The following EYS variants were observed in gnomAD, a reference collection of about 807,000 sequenced individuals.
EYS encodes the protein protein eyes shut homolog.
In EYS, 250 loss-of-function variants were observed where a neutral mutation model predicts 282.1. That is an observed-to-expected ratio of 0.89 (90% confidence interval 0.80 to 0.98). EYS has a LOEUF of 0.98. EYS is among the 50% of genes least tolerant of loss of function. EYS has a pLI of 0.00. For missense variants in EYS, 4,016 were observed against 3,709.0 expected (o/e 1.08, Z -2.15); for synonymous variants, 1,355 against 1,282.9 (o/e 1.06, Z -1.20).
At chr6:64,089,201 C>T (rs908477059) in intron 31 of EYS, among the ~76,000 whole-genome samples, 1 of 151,432 alleles carries the variant, frequency 6.6e-6, no homozygotes, top group Non-Finnish European at 1.5e-5. Context: ...ACTTATGAGT[C>T]TAATTTTATT....
At chr6:64,549,434 T>C (rs796523696) in intron 26 of EYS, among the ~76,000 whole-genome samples, 15 of 152,310 alleles carry the variant, frequency 9.8e-5, no homozygotes, top group African/African-American at 2.6e-4. Context: ...ATTTTAATAA[T>C]AAGCAGCCCT....
chr6:64,150,738 A>G (rs1774674291), intron 31 of EYS, among the ~76,000 whole-genome samples: 2 of 152,174 alleles, frequency 1.3e-5, no homozygotes, highest in South Asian at 4.1e-4. Context: ...GCTCATGCCT[A>G]TAACATCAGC....
At chr6:64,629,832 G>A (rs1417902389) in intron 22 of EYS, among the ~76,000 whole-genome samples, 1 of 152,090 alleles carries the variant, frequency 6.6e-6, no homozygotes, top group Non-Finnish European at 1.5e-5. Flanking sequence ...GATAATGATT[G>A]CATCTGTAGA....
At chr6:64,862,052 A>C (rs7755509) in intron 19 of EYS, among the ~76,000 whole-genome samples, 23,642 of 152,144 alleles carry the variant, frequency 0.16, 2,159 homozygotes, top group East Asian at 0.49. Context: ...AATTTTTGAA[A>C]GATAATTTTG....
chr6:64,534,362 A>G (rs2149795206), intron 26 of EYS, among the ~76,000 whole-genome samples: 1 of 152,110 alleles, frequency 6.6e-6, no homozygotes, highest in African/African-American at 2.4e-5. Flanking sequence ...GTGTTATCAG[A>G]GAACATAAAT....
intron 33 of EYS, among the ~76,000 whole-genome samples, chr6:64,004,567 C>A (rs930948287): frequency 6.6e-6 from 1 of 151,928 alleles, no homozygotes; most frequent in Non-Finnish European, 1.5e-5. Flanking sequence ...AGGTAGTAAG[C>A]ATAGTACTGT....
At chr6:64,597,729 G>C (rs1234485194) in intron 24 of EYS, among the ~76,000 whole-genome samples, 1 of 147,702 alleles carries the variant, frequency 6.8e-6, no homozygotes, top group Non-Finnish European at 1.5e-5. Flanking sequence ...GACATGGGGG[G>C]GTAAATAATG....
rs553849220 is a variant in EYS, at chr6:65,605,367, A to G, written c.-333+34411T>C. Among the ~76,000 whole-genome samples, 3 of 152,084 alleles carry G rather than the reference A, an allele frequency of 2.0e-5. No homozygotes were observed. In the South Asian group the frequency reaches 6.2e-4, roughly 31 times the overall value. On this transcript the variant is annotated intron_variant, in intron 2 of 42. Coordinates refer to ENST00000503581, the MANE Select transcript of EYS (RefSeq NM_001142800.2). ...TTAAAATTAAATTGATATTTATTCTATTATGTCTTGAAAGAAGAAAATAAA... is the reference window on the plus strand; with the variant it reads ...TTAAAATTAAATTGATATTTATTCTGTTATGTCTTGAAAGAAGAAAATAAA...
chr6:64,812,268 CAG>C (rs1491022068), intron 22 of EYS, among the ~76,000 whole-genome samples: 2 of 148,350 alleles, frequency 1.3e-5, no homozygotes, highest in Non-Finnish European at 3.0e-5. Context: ...CACACACACA[CAG>C]GTACACACAC....
In EYS at chr6:64,590,951, G is replaced by A. The variant is rs1417982702; in HGVS notation, c.4916C>T (p.Thr1639Ile). ...TTCTTCCAAGGATGAGGATAAAATT[G>A]TTCTTTTTGCACTCTTTTTAGAAGG... ...LFPSKKSAKR[T>I]ILSSSLEESI... The change falls in exon 26 of 43, where the codon ACA becomes ATA. Residue 1639 changes from threonine to isoleucine, a missense_variant. Thr to Ile is a moderately conservative substitution (Grantham distance 89). Transcript: ENST00000503581. The A allele has an allele frequency of 1.3e-6, 2 of 1,550,860 alleles. No individual in the cohort carries two copies. The highest frequency in any genetic ancestry group is 1.7e-6 in the Non-Finnish European group (2 of 1,146,710).
intron 26 of EYS, among the ~76,000 whole-genome samples, chr6:64,492,305 T>G (rs1021656719): frequency 6.6e-6 from 1 of 151,262 alleles, no homozygotes; most frequent in Non-Finnish European, 1.5e-5. Context: ...CTGAGTATTA[T>G]TCAATACTTA....
At chr6:64,411,051 T>G (rs184808121) in intron 28 of EYS, among the ~76,000 whole-genome samples, 3 of 152,116 alleles carry the variant, frequency 2.0e-5, no homozygotes, top group African/African-American at 7.2e-5. Flanking sequence ...TGAATGATTT[T>G]ACACATTACA....
At chr6:63,824,294 G>A (rs1771399180) in intron 36 of EYS, among the ~76,000 whole-genome samples, 1 of 152,118 alleles carries the variant, frequency 6.6e-6, no homozygotes, top group Non-Finnish European at 1.5e-5. Context: ...TGATCTTAAT[G>A]GAAACATGAC....
chr6:65,382,213 G>GT (rs67123749), intron 8 of EYS, among the ~76,000 whole-genome samples: 55,230 of 105,082 alleles, frequency 0.53, 14,569 homozygotes, highest in Non-Finnish European at 0.61. Flanking sequence ...ATCCTTTGGT[G>GT]TTTTTTTTTT....
At chr6:63,836,718 C>T (rs562996769) in intron 36 of EYS, among the ~76,000 whole-genome samples, 55 of 152,058 alleles carry the variant, frequency 3.6e-4, no homozygotes, top group African/African-American at 1.3e-3. Flanking sequence ...TCCTTTTGCA[C>T]CAACCAAATA....
At chr6:65,201,712 A>G (rs1317812589) in intron 12 of EYS, among the ~76,000 whole-genome samples, 1 of 152,268 alleles carries the variant, frequency 6.6e-6, no homozygotes, top group African/African-American at 2.4e-5. Context: ...GTTTTGTCCT[A>G]TAACTATTTC....
rs1455837360 is a variant in EYS at position 64,817,634 on chromosome 6, T to A, written c.3243+4011A>T. On this transcript the variant is annotated intron_variant, in intron 21 of 42. Coordinates refer to ENST00000503581, the MANE Select transcript of EYS (RefSeq NM_001142800.2). ...CCACCCTCTTCTAGTCCACAGTGCC[T>A]ATTAGTCCCATGTTTATCTCCATAG... Among the ~76,000 whole-genome samples the A allele has an allele frequency of 2.0e-5, 3 of 152,270 alleles. No individual in the cohort carries two copies. The East Asian group carries it at 5.8e-4, about 30-fold the overall frequency.
At chr6:65,213,136 C>T (rs929461192) in intron 12 of EYS, among the ~76,000 whole-genome samples, 1 of 151,906 alleles carries the variant, frequency 6.6e-6, no homozygotes, top group African/African-American at 2.4e-5. Context: ...GCATGTGATG[C>T]TGATAAACTG....
At chr6:65,122,647 G>C (rs1005272851) in intron 12 of EYS, among the ~76,000 whole-genome samples, 48 of 151,988 alleles carry the variant, frequency 3.2e-4, no homozygotes, top group Admixed American at 3.1e-3. Context: ...TGATGCCATA[G>C]TTTGAAATTA....
Sources: allele counts gnomAD v4.1 joint callset (sites outside exome capture counted in the v4.1 genomes callset), GRCh38; gene constraint gnomAD v4.1.1; transcripts MANE v1.5; gene names NCBI Gene and HGNC (gene_info 2026-07-23, HGNC 2026-07-21).